SOHLH2: variants seen among roughly 807,000 people sequenced by gnomAD.
The protein encoded by SOHLH2 is spermatogenesis- and oogenesis-specific basic helix-loop-helix-containing protein 2.
SOHLH2 carries 22 observed loss-of-function variants against 50.4 expected under a neutral mutation model. That is an observed-to-expected ratio of 0.44 (90% CI 0.31 to 0.62). The LOEUF (loss-of-function observed/expected upper bound fraction) is 0.62, where lower values mean the gene tolerates loss of function less well. SOHLH2 is among the 20% of genes least tolerant of loss of function. SOHLH2 has a pLI of 0.08. For synonymous variants in SOHLH2, 185 were observed against 187.3 expected, an observed-to-expected ratio of 0.99 and a Z score of 0.10; for missense variants, 412 against 504.4, an observed-to-expected ratio of 0.82 and a Z score of 1.76.
chr13:36,172,741 C>G (rs116181097), intron 9 of SOHLH2, among the ~76,000 whole-genome samples: 3,389 of 152,246 alleles, frequency 0.022, 115 homozygotes, highest in African/African-American at 0.074. Flanking sequence ...TTGGTACTAA[C>G]TAGCGCAGGT....
At chr13:36,197,351 T>C (rs1411196123) in intron 2 of SOHLH2, among the ~76,000 whole-genome samples, 1 of 152,162 alleles carries the variant, frequency 6.6e-6, no homozygotes, top group Non-Finnish European at 1.5e-5. Flanking sequence ...CCTGCAGCAG[T>C]ACCCACCCAC....
At chr13:36,202,435 A>T (rs1021665563) in intron 1 of SOHLH2, among the ~76,000 whole-genome samples, 21 of 152,332 alleles carry the variant, frequency 1.4e-4, no homozygotes, top group Middle Eastern at 6.8e-3. Flanking sequence ...TTCCTGCTGG[A>T]AAATCTGTTT....
intron 1 of SOHLH2, among the ~76,000 whole-genome samples, chr13:36,212,107 T>C (rs893253964): frequency 6.6e-6 from 1 of 152,030 alleles, no homozygotes; most frequent in Admixed American, 6.5e-5. Context: ...GGGCAGAACA[T>C]GCATAGTGGG....
intron 1 of SOHLH2, among the ~76,000 whole-genome samples, chr13:36,209,245 A>C (rs988583446): frequency 1.3e-5 from 2 of 152,064 alleles, no homozygotes; most frequent in African/African-American, 4.8e-5. Flanking sequence ...ACTAATTTCT[A>C]AGATTTTTTG....
chr13:36,186,208 A>G (rs924051642), intron 6 of SOHLH2, among the ~76,000 whole-genome samples: 1 of 152,218 alleles, frequency 6.6e-6, no homozygotes, highest in African/African-American at 2.4e-5. Flanking sequence ...CTTACTAGAT[A>G]GAGAAAAAAA....
chr13:36,180,327 T>C (rs894143080), intron 6 of SOHLH2, among the ~76,000 whole-genome samples: 1 of 152,226 alleles, frequency 6.6e-6, no homozygotes, highest in African/African-American at 2.4e-5. Flanking sequence ...TTTGTTTTAC[T>C]TTGTCTTGCT....
intron 7 of SOHLH2, 34 bp from the exon 8 acceptor site, chr13:36,174,601 C>T (rs147965627): frequency 1.2e-5 from 19 of 1,611,026 alleles, no homozygotes; most frequent in Admixed American, 5.1e-5. Context: ...AGGTAGATAC[C>T]GACATTTTTA....
At position 36,180,291 on chromosome 13, in the gene SOHLH2, T is replaced by C. The variant is rs527629495; in HGVS notation, c.642-5422A>G. The stretch of plus-strand genomic sequence containing the variant: ...GTCTGTCTCCCAGCCTCCTCCCCCT[T>C]CACCACCCCACTTATTTGGGTTTAT... On this transcript the variant is annotated intron_variant, in intron 6 of 10. Transcript: ENST00000379881. Among the ~76,000 whole-genome samples the C allele has an allele frequency of 9.2e-5, 14 of 152,214 alleles. No individual in the cohort carries two copies. In the South Asian group the frequency reaches 2.9e-3, roughly 32 times the overall value.
intron 6 of SOHLH2, among the ~76,000 whole-genome samples, chr13:36,184,545 C>T (rs922934942): frequency 6.7e-6 from 1 of 148,166 alleles, no homozygotes; most frequent in Non-Finnish European, 1.5e-5. Flanking sequence ...CTGCAAGCTC[C>T]GCCTCCCGGG....
Position 36,190,004 on chromosome 13 carries a change from C to T in SOHLH2, c.583G>A (p.Glu195Lys). The stretch of plus-strand genomic sequence containing the variant: ...GAGATCTTTTTGTTTTTCTCGAACT[C>T]TGACAACGAAGCATTTAATTCAAGC... ...NGLELNASLS[E>K]FEKNKKISLL... The change falls in exon 6 of 11, where the codon GAG becomes AAG. Residue 195 changes from glutamate (E) to lysine (K), a missense_variant. Coordinates refer to ENST00000379881, the MANE Select transcript of SOHLH2 (RefSeq NM_017826.3). The T allele has an allele frequency of 6.2e-7, 1 of 1,607,902 alleles. No homozygotes were observed. The highest frequency in any genetic ancestry group is 1.1e-5 in the South Asian group (1 of 90,010).
At chr13:36,174,259 AG>A (rs1407483477) in intron 8 of SOHLH2, among the ~76,000 whole-genome samples, 3 of 152,346 alleles carry the variant, frequency 2.0e-5, no homozygotes, top group Non-Finnish European at 2.9e-5. Context: ...AGGAGAAGCA[AG>A]GGTGAGTCAC....
intron 6 of SOHLH2, among the ~76,000 whole-genome samples, chr13:36,184,441 A>G (rs1158994839): frequency 7.6e-6 from 1 of 130,812 alleles, no homozygotes; most frequent in Non-Finnish European, 1.7e-5. Context: ...CAATGATGGA[A>G]GTTTCTACCT....
At chr13:36,184,521 G>T (rs537537842) in intron 6 of SOHLH2, among the ~76,000 whole-genome samples, 3 of 139,100 alleles carry the variant, frequency 2.2e-5, no homozygotes, top group Non-Finnish European at 3.0e-5. Context: ...GTACAGTGGC[G>T]CTATCTCGGC....
At chr13:36,185,312 C>T (rs1197776846) in intron 6 of SOHLH2, among the ~76,000 whole-genome samples, 1 of 151,950 alleles carries the variant, frequency 6.6e-6, no homozygotes, top group Non-Finnish European at 1.5e-5. Flanking sequence ...ACTAAAAATA[C>T]AAAAATTAGC....
intron 1 of SOHLH2, among the ~76,000 whole-genome samples, chr13:36,209,956 C>T (rs919823416): frequency 3.3e-5 from 5 of 152,128 alleles, no homozygotes; most frequent in African/African-American, 9.7e-5. Flanking sequence ...GAAAGGCTGG[C>T]GCCAGCTAAT....
chr13:36,182,885 G>C (rs1426177083), intron 6 of SOHLH2: 1 of 156,612 alleles, frequency 6.4e-6, no homozygotes, highest in Non-Finnish European at 1.4e-5. Context: ...AACTGATGTG[G>C]CTTGGATGTT....
chr13:36,184,459 CCT>C lies in SOHLH2; in HGVS notation c.641+5485_641+5486del, dbSNP rs869169397. Among the ~76,000 whole-genome samples, 28 of 81,668 alleles carry C rather than the reference CCT, an allele frequency of 3.4e-4. 3 individuals carry two copies. Among genetic ancestry groups the C allele is most frequent in the East Asian group, 1.2e-3 (3 of 2,502 alleles). 53.6% of individuals were successfully genotyped at this position (81,668 alleles called of 152,430 possible). A position where few individuals can be genotyped will look rare whatever the true frequency, so the allele number is the denominator to read the frequency against. The stretch of plus-strand genomic sequence containing the variant: ...TGATGGAAGTTTCTACCTACAAAGA[CCT>C]TTTTTTTTTTTTTTTTTTGAGACGG... On this transcript the variant is annotated intron_variant, in intron 6 of 10. Transcript: ENST00000379881.
At chr13:36,193,496 T>C in intron 4 of SOHLH2, 125 bp downstream of exon 4, 1 of 1,144,348 alleles carries the variant, frequency 8.7e-7, no homozygotes, top group Admixed American at 3.2e-5. Context: ...AGTTTTTTTC[T>C]TTCCAGGTAA....
chr13:36,174,357 T>G, intron 8 of SOHLH2, 119 bp downstream of exon 8: 1 of 1,329,918 alleles, frequency 7.5e-7, no homozygotes, highest in Non-Finnish European at 1.0e-6. Flanking sequence ...AAAAGTTCGC[T>G]GACCCTTAAT....
Sources: allele counts gnomAD v4.1 joint callset (sites outside exome capture counted in the v4.1 genomes callset), GRCh38; gene constraint gnomAD v4.1.1; transcripts MANE v1.5; gene names NCBI Gene and HGNC (gene_info 2026-07-23, HGNC 2026-07-21).